The following RXRG variants were observed in gnomAD, a reference collection of about 807,000 sequenced individuals.
RXRG encodes retinoic acid receptor RXR-gamma.
In RXRG, 19 loss-of-function variants were observed where a neutral mutation model predicts 49.2. The observed-to-expected ratio is 0.39, with a 90% CI of 0.27 to 0.57. The LOEUF is 0.57. RXRG is among the 20% of genes least tolerant of loss of function. The pLI is 0.64. For missense variants in RXRG, 452 were observed against 592.5 expected, an observed-to-expected ratio of 0.76 and a Z score of 2.46; for synonymous variants, 224 against 216.6, an observed-to-expected ratio of 1.03 and a Z score of -0.30.
Position 165,409,569 on chromosome 1 carries a change from G to A in RXRG, c.1035C>T (p.Ser345=), listed in dbSNP as rs1463007741. The part of the protein sequence containing the change: ...RSSAHSAGVG[S]IFDRVLTELV... Reference sequence around the variant, plus strand: ...CAGGAGAGAGACACCTGTCAAAGATGGAGCCGACCCCAGCACTGTGGGCAC... The same window carrying A: ...CAGGAGAGAGACACCTGTCAAAGATAGAGCCGACCCCAGCACTGTGGGCAC... Residue 345 remains serine, a synonymous_variant, in exon 7 of 10, where the codon TCC becomes TCT. Coordinates refer to ENST00000359842, the MANE Select transcript of RXRG (RefSeq NM_006917.5). The A allele has an allele frequency of 6.7e-7, 1 of 1,491,484 alleles. No homozygotes were observed. Among genetic ancestry groups the A allele is most frequent in the East Asian group, 2.5e-5 (1 of 40,130 alleles). 92.4% of individuals were successfully genotyped at this position (1,491,484 alleles called of 1,614,324 possible). A position where few individuals can be genotyped will look rare whatever the true frequency, so the allele number is the denominator to read the frequency against.
Position 165,409,676 on chromosome 1 carries a change from G to A in RXRG, c.928C>T (p.Leu310=), listed in dbSNP as rs757688872. 3.3e-6 allele frequency: 5 copies of A among 1,528,574 alleles called. No individual in the cohort carries two copies. The Admixed American group carries it at 6.2e-5, about 19-fold the overall frequency. 94.7% of individuals were successfully genotyped at this position (1,528,574 alleles called of 1,614,324 possible). The change falls in exon 7 of 10, where the codon CTG becomes TTG. Residue 310 remains leucine, a synonymous_variant. Coordinates refer to ENST00000359842, the MANE Select transcript of RXRG (RefSeq NM_006917.5). ...ILLRAGWNEL[L]IASFSHRSVS... ...GAGCGGTGGGAGAAAGAGGCAATCA[G>A]CAATTCATTCCACCCTGCAAGGATA... is the stretch of plus-strand genomic sequence containing the variant.
At chr1:165,428,610 T>C in intron 2 of RXRG, 109 bp downstream of exon 2, 1 of 1,316,302 alleles carries the variant, frequency 7.6e-7, no homozygotes, top group Non-Finnish European at 1.0e-6. Context: ...TTCAAACCCT[T>C]TGGCAAGCAC....
At chr1:165,434,462 A>T (rs546589390) in intron 1 of RXRG, among the ~76,000 whole-genome samples, 1 of 152,374 alleles carries the variant, frequency 6.6e-6, no homozygotes, top group South Asian at 2.1e-4. Flanking sequence ...TGGCCAGACA[A>T]GGGAGCAAAT....
At chr1:165,404,178 C>G (rs970604117) in intron 9 of RXRG, among the ~76,000 whole-genome samples, 3 of 152,192 alleles carry the variant, frequency 2.0e-5, no homozygotes, top group African/African-American at 7.2e-5. Context: ...CTCAGCACAC[C>G]CACATGCCTG....
At chr1:165,402,015 C>A (rs577621058) in intron 9 of RXRG, among the ~76,000 whole-genome samples, 1 of 151,786 alleles carries the variant, frequency 6.6e-6, no homozygotes, top group Non-Finnish European at 1.5e-5. Context: ...CCCAAGTAGG[C>A]GGGACTACAG....
intron 2 of RXRG, chr1:165,424,796 TC>T: frequency 1.0e-6 from 1 of 985,510 alleles, no homozygotes; most frequent in African/African-American, 1.7e-5. Flanking sequence ...CATGAATCCC[TC>T]TCAGACCAGT....
Position 165,401,088 on chromosome 1 carries a change from A to G in RXRG, c.*175T>C, listed in dbSNP as rs1052005000. On this transcript the variant is annotated 3_prime_UTR_variant, in exon 10 of 10. Transcript: ENST00000359842. ...GCAAAGCGTATTACCTTTAACATCT[A>G]TACAAAAGTCCACCTATAAAAGTCT... 3.3e-6 allele frequency: 2 copies of G among 609,126 alleles called. No homozygotes were observed. Among genetic ancestry groups the G allele is most frequent in the Non-Finnish European group, 2.8e-6 (1 of 350,938 alleles). 37.7% of individuals were successfully genotyped at this position (609,126 alleles called of 1,614,324 possible).
At chr1:165,434,470 A>G (rs900816230) in intron 1 of RXRG, among the ~76,000 whole-genome samples, 2 of 152,200 alleles carry the variant, frequency 1.3e-5, no homozygotes, top group Admixed American at 1.3e-4. Flanking sequence ...CAAGGGAGCA[A>G]ATGGCCTGGT....
intron 8 of RXRG, among the ~76,000 whole-genome samples, chr1:165,407,829 C>T (rs76408466): frequency 0.028 from 4,052 of 146,544 alleles, 88 homozygotes; most frequent in Non-Finnish European, 0.036. Context: ...CTTCATTTTT[C>T]CCATTGTTCA....
intron 1 of RXRG, among the ~76,000 whole-genome samples, chr1:165,443,730 G>GATCA (rs2101752893): frequency 6.6e-6 from 1 of 152,308 alleles, no homozygotes; most frequent in African/African-American, 2.4e-5. Context: ...TGGTGACAGA[G>GATCA]ATCACTTCTA....
chr1:165,401,282 G>A lies in RXRG; in HGVS notation c.1373C>T (p.Thr458Ile), dbSNP rs780048183. The change falls in exon 10 of 10, where the codon ACC becomes ATC. Residue 458 changes from threonine to isoleucine, a missense_variant. By Grantham distance (89) the Thr-to-Ile change is moderately conservative. This residue lies in a region of RXRG where 286 missense variants were observed against 440.9 expected (regional missense o/e 0.65). Transcript: ENST00000359842. Reference protein sequence around the residue: ...IDTFLMEMLETPLQIT With the variant: ...IDTFLMEMLEIPLQIT The stretch of plus-strand genomic sequence containing the variant: ...TGGGGCTCAGGTGATCTGCAGCGGG[G>A]TCTCCAACATCTCCATGAGGAAGGT... 40 of 1,614,036 alleles carry A rather than the reference G, an allele frequency of 2.5e-5. No homozygotes were observed. Among genetic ancestry groups the A allele is most frequent in the Middle Eastern group, 1.6e-4 (1 of 6,082 alleles).
At position 165,428,778 on chromosome 1, in the gene RXRG, G is replaced by A; in HGVS notation, c.238C>T (p.Pro80Ser). ...GGAGGCGCTGCAAGTGCTCCTGAGG[G>A]TGGGCCCATGGCAGAGGTGATGACT... ...YRVITSAMGP[P>S]SGALAAPPGI... is the part of the protein sequence containing the mutation. The change falls in exon 2 of 10, where the codon CCC (proline) becomes TCC (serine). Residue 80 changes from proline (P) to serine (S), a missense_variant. Coordinates refer to ENST00000359842, the MANE Select transcript of RXRG (RefSeq NM_006917.5). 4 of 1,611,926 alleles carry A rather than the reference G, an allele frequency of 2.5e-6. No individual in the cohort carries two copies. The highest frequency in any genetic ancestry group is 3.4e-6 in the Non-Finnish European group (4 of 1,178,262).
chr1:165,402,732 T>C (rs1051247510), intron 9 of RXRG, among the ~76,000 whole-genome samples: 1 of 151,212 alleles, frequency 6.6e-6, no homozygotes, highest in African/African-American at 2.4e-5. Context: ...ACACACACCT[T>C]CACACACACT....
At chr1:165,438,122 C>G (rs1658870373) in intron 1 of RXRG, among the ~76,000 whole-genome samples, 1 of 152,154 alleles carries the variant, frequency 6.6e-6, no homozygotes, top group African/African-American at 2.4e-5. Context: ...AGGGGCCCCT[C>G]TATCTGTTGT....
intron 1 of RXRG, among the ~76,000 whole-genome samples, chr1:165,443,698 A>G (rs1414701566): frequency 6.6e-6 from 1 of 152,086 alleles, no homozygotes; most frequent in Non-Finnish European, 1.5e-5. Flanking sequence ...TGAATGTGCA[A>G]ACTCCCAGGT....
intron 3 of RXRG, 104 bp downstream of exon 3, chr1:165,419,766 C>T (rs1324396770): frequency 1.8e-5 from 19 of 1,058,348 alleles, no homozygotes; most frequent in Non-Finnish European, 2.5e-5. Flanking sequence ...GTTAGCCCAT[C>T]CTAAAGGGCC....
At chr1:165,403,656 G>A (rs1355135644) in intron 9 of RXRG, among the ~76,000 whole-genome samples, 3 of 152,318 alleles carry the variant, frequency 2.0e-5, no homozygotes, top group African/African-American at 7.2e-5. Context: ...GAATAAGGAG[G>A]CTGAACTCCC....
chr1:165,432,435 A>T (rs1262296853), intron 1 of RXRG, among the ~76,000 whole-genome samples: 1 of 152,258 alleles, frequency 6.6e-6, no homozygotes, highest in African/African-American at 2.4e-5. Context: ...TAGTTCTTAG[A>T]AATAAATAGC....
intron 1 of RXRG, among the ~76,000 whole-genome samples, chr1:165,441,232 G>A (rs1001559312): frequency 3.3e-5 from 5 of 152,204 alleles, no homozygotes; most frequent in East Asian, 1.9e-4. Flanking sequence ...AGAGATCACC[G>A]TTGCTCTTAA....
Sources: allele counts gnomAD v4.1 joint callset (sites outside exome capture counted in the v4.1 genomes callset), GRCh38; gene constraint gnomAD v4.1.1; regional missense constraint gnomAD v4.1.1; transcripts MANE v1.5; gene names NCBI Gene and HGNC (gene_info 2026-07-23, HGNC 2026-07-21).